The following FMN1 variants were observed in gnomAD, a reference collection of about 807,000 sequenced individuals.
FMN1 encodes the protein formin-1.
In FMN1, 110 loss-of-function variants were observed where a neutral mutation model predicts 132.4. That is an observed-to-expected ratio of 0.83 (90% CI 0.71 to 0.97). FMN1 has a LOEUF of 0.97. Among genes scored for constraint, FMN1 ranks in the 50% least tolerant of loss-of-function variants. The probability of loss-of-function intolerance (pLI) is 0.00; values close to 1 mark genes in which losing one functional copy is unlikely to be tolerated. For synonymous variants in FMN1, 722 were observed against 651.7 expected, an observed-to-expected ratio of 1.11 and a Z score of -1.64; for missense variants, 1,792 against 1,705.3, an observed-to-expected ratio of 1.05 and a Z score of -0.90.
At chr15:33,100,461 T>C (rs977908934) in intron 4 of FMN1, among the ~76,000 whole-genome samples, 4 of 151,810 alleles carry the variant, frequency 2.6e-5, no homozygotes, top group African/African-American at 9.7e-5. Flanking sequence ...GAAGGCCAAA[T>C]ACAGCCTACT....
At chr15:33,055,365 C>T (rs2037169583) in intron 6 of FMN1, among the ~76,000 whole-genome samples, 2 of 152,140 alleles carry the variant, frequency 1.3e-5, no homozygotes, top group Non-Finnish European at 2.9e-5. Context: ...TTACATCTAT[C>T]GATTAATGTA....
intron 7 of FMN1, among the ~76,000 whole-genome samples, chr15:33,004,350 A>G (rs1487823872): frequency 1.3e-5 from 2 of 152,220 alleles, no homozygotes; most frequent in East Asian, 3.8e-4. Context: ...TTTACAAGAA[A>G]AAAACAACCC....
intron 6 of FMN1, among the ~76,000 whole-genome samples, chr15:33,015,326 A>G (rs1310024071): frequency 1.3e-5 from 2 of 152,166 alleles, no homozygotes; most frequent in Non-Finnish European, 2.9e-5. Flanking sequence ...TTTTAATCAC[A>G]GGGAGGTTTG....
intron 17 of FMN1, among the ~76,000 whole-genome samples, chr15:32,809,259 C>T (rs1177713949): frequency 1.3e-5 from 2 of 152,120 alleles, no homozygotes; most frequent in Admixed American, 1.3e-4. Context: ...GTTAAGTTTT[C>T]TGAGAGCTAA....
rs1338070731 is a variant in FMN1 at position 33,133,036 on chromosome 15, G to A, written c.1867+20012C>T. 2.6e-5 allele frequency among the ~76,000 whole-genome samples: 4 copies of A among 152,114 alleles called. No individual in the cohort carries two copies. In the East Asian group the frequency reaches 7.7e-4, roughly 29 times the overall value. The stretch of plus-strand genomic sequence containing the variant: ...TTGTAAAACCCAGGCCTACAGAAGT[G>A]CCCCAAGTCACAGACTTATAACAGG... On this transcript the variant is annotated intron_variant, in intron 4 of 20. Transcript: ENST00000616417.
intron 7 of FMN1, among the ~76,000 whole-genome samples, chr15:32,993,325 T>A (rs1483892996): frequency 6.6e-6 from 1 of 152,252 alleles, no homozygotes; most frequent in Admixed American, 6.5e-5. Context: ...TTATCATTGT[T>A]CTATGTTTTC....
chr15:32,969,271 C>T lies in FMN1; in HGVS notation c.2430G>A (p.Glu810=), dbSNP rs201595699. The change falls in exon 8 of 21, where the codon GAG becomes GAA. Residue 810 remains glutamate (E), a synonymous_variant. Coordinates refer to ENST00000616417, the MANE Select transcript of FMN1 (RefSeq NM_001277313.2). ...CACTTTCACAGGGCTTGAGGAAGGT[C>T]TCTCTGTCTGTCTGGACGCACACAT... is the stretch of plus-strand genomic sequence containing the variant. ...FRNVCVQTDR[E]TFLKPCESES... is the part of the protein sequence containing the mutation. 52 of 1,613,770 alleles carry T rather than the reference C, an allele frequency of 3.2e-5. No homozygotes were observed. The highest frequency in any genetic ancestry group is 4.3e-5 in the Non-Finnish European group (51 of 1,179,864).
intron 3 of FMN1, among the ~76,000 whole-genome samples, chr15:33,174,450 GA>G (rs769892437): frequency 3.9e-5 from 6 of 152,102 alleles, no homozygotes. Context: ...CTTCCATTCT[GA>G]GCCAGTATTT....
At chr15:32,823,354 C>T (rs989723966) in intron 17 of FMN1, among the ~76,000 whole-genome samples, 2 of 151,788 alleles carry the variant, frequency 1.3e-5, no homozygotes, top group African/African-American at 2.4e-5. Flanking sequence ...TTAGTAGAGA[C>T]AGGGTTTCAC....
intron 2 of FMN1, among the ~76,000 whole-genome samples, chr15:33,192,751 C>T (rs141276525): frequency 3.3e-5 from 5 of 152,244 alleles, no homozygotes; most frequent in African/African-American, 9.6e-5. Flanking sequence ...TTTTTAGGAA[C>T]GAGACTGGCC....
At chr15:32,990,715 T>TAACG (rs1280915311) in intron 7 of FMN1, among the ~76,000 whole-genome samples, 2 of 152,164 alleles carry the variant, frequency 1.3e-5, no homozygotes, top group Non-Finnish European at 2.9e-5. Context: ...GAAAGAGGTT[T>TAACG]AACCGACTCA....
At chr15:32,880,051 T>TG (rs1555483799) in intron 16 of FMN1, among the ~76,000 whole-genome samples, 4 of 134,578 alleles carry the variant, frequency 3.0e-5, no homozygotes, top group Non-Finnish European at 6.3e-5. Context: ...AAGCTTCTAT[T>TG]GTTTTTTTTT....
At position 32,769,735 on chromosome 15, in the gene FMN1, C is replaced by A; in HGVS notation, c.*4575G>T. ...AATCCCATCAGCTTGGCCACACAGA[C>A]TGGTTTCATCTGTGTTGCAGATTTC... On this transcript the variant is annotated 3_prime_UTR_variant, in exon 21 of 21. Coordinates refer to ENST00000616417, the MANE Select transcript of FMN1 (RefSeq NM_001277313.2). The A allele has an allele frequency of 6.6e-6, 1 of 152,214 alleles. No homozygotes were observed. The highest frequency in any genetic ancestry group is 1.9e-4 in the East Asian group (1 of 5,192). The allele number at this position is 152,214 out of a possible 1,614,324, so 9.4% of individuals were successfully genotyped here.
intron 16 of FMN1, among the ~76,000 whole-genome samples, chr15:32,862,429 A>G (rs2059292106): frequency 6.6e-6 from 1 of 152,252 alleles, no homozygotes; most frequent in Non-Finnish European, 1.5e-5. Flanking sequence ...CAGAGATGAA[A>G]TATTAAAAAC....
chr15:32,822,648 C>G (rs940198606), intron 17 of FMN1, among the ~76,000 whole-genome samples: 1 of 152,044 alleles, frequency 6.6e-6, no homozygotes, highest in Non-Finnish European at 1.5e-5. Context: ...TTTTCATTGC[C>G]TCTGTTGGCT....
intron 9 of FMN1, among the ~76,000 whole-genome samples, chr15:32,929,571 A>T (rs1386593119): frequency 6.6e-6 from 1 of 152,194 alleles, no homozygotes; most frequent in East Asian, 1.9e-4. Flanking sequence ...ATACCCACAG[A>T]ATAGCAGATT....
At chr15:33,070,140 G>A (rs187884810) in intron 5 of FMN1, among the ~76,000 whole-genome samples, 192 of 151,338 alleles carry the variant, frequency 1.3e-3, no homozygotes, top group Non-Finnish European at 9.6e-4. Flanking sequence ...TGAGTAGCTG[G>A]AATTACAGGA....
intron 12 of FMN1, among the ~76,000 whole-genome samples, chr15:32,903,188 T>C (rs559455493): frequency 3.9e-5 from 6 of 152,294 alleles, no homozygotes; most frequent in Admixed American, 2.6e-4. Context: ...TAGATGACAT[T>C]TAATGAAAGC....
chr15:33,116,458 T>A (rs1037591525), intron 4 of FMN1, among the ~76,000 whole-genome samples: 3 of 152,226 alleles, frequency 2.0e-5, no homozygotes, highest in Admixed American at 2.0e-4. Context: ...TTTCTGTCTA[T>A]AAATGTTATC....
Sources: gnomAD v4.1 joint callset for allele counts (sites outside exome capture counted in the v4.1 genomes callset) on GRCh38, gnomAD v4.1.1 for gene constraint, MANE v1.5 for transcripts, NCBI Gene and HGNC (gene_info 2026-07-23, HGNC 2026-07-21) for gene names.